The following NRG1 variants were observed in gnomAD, a reference collection of about 807,000 sequenced individuals.
NRG1 encodes neuregulin 1.
NRG1 carries 18 observed loss-of-function variants against 63.8 expected under a neutral mutation model. The observed-to-expected ratio is 0.28, with a 90% confidence interval of 0.19 to 0.42. The LOEUF is 0.42. NRG1 is among the 10% of genes least tolerant of loss of function. NRG1 has a pLI of 1.00. For missense variants in NRG1, 762 were observed against 814.7 expected, an observed-to-expected ratio of 0.94 and a Z score of 0.79; for synonymous variants, 302 against 301.3, an observed-to-expected ratio of 1.00 and a Z score of -0.02.
chr8:32,299,922 A>C (rs1367778083), intron 1 of NRG1, among the ~76,000 whole-genome samples: 1 of 152,196 alleles, frequency 6.6e-6, no homozygotes, highest in African/African-American at 2.4e-5. Flanking sequence ...CAGCCAAACC[A>C]TATCACTCCC....
chr8:31,800,836 T>TC (rs1274611055), intron 1 of NRG1, among the ~76,000 whole-genome samples: 1 of 129,328 alleles, frequency 7.7e-6, no homozygotes, highest in Non-Finnish European at 1.7e-5. Flanking sequence ...CAGTCTCCTT[T>TC]CTTTTTTTTT....
chr8:31,694,491 C>T (rs1032030105), intron 1 of NRG1, among the ~76,000 whole-genome samples: 5 of 152,016 alleles, frequency 3.3e-5, no homozygotes, highest in Non-Finnish European at 7.4e-5. Context: ...AAAGGAGAGG[C>T]TGCTTTTGGA....
At chr8:31,944,266 A>C (rs1802204158) in intron 1 of NRG1, among the ~76,000 whole-genome samples, 1 of 152,204 alleles carries the variant, frequency 6.6e-6, no homozygotes, top group Non-Finnish European at 1.5e-5. Context: ...TGGAAACTAC[A>C]GTGATATTGA....
chr8:32,177,029 A>G (rs979637347), intron 1 of NRG1, among the ~76,000 whole-genome samples: 14 of 152,318 alleles, frequency 9.2e-5, no homozygotes, highest in African/African-American at 3.1e-4. Context: ...ACATGCACAC[A>G]TATGTTTATT....
rs147583046 is a variant in NRG1 at position 32,461,427 on chromosome 8, G to A, written c.38-134401G>A. Among the ~76,000 whole-genome samples the A allele has an allele frequency of 5.3e-5, 8 of 152,284 alleles. No individual in the cohort carries two copies. The East Asian group carries it at 7.7e-4, about 15-fold the overall frequency. ...GAAAACCTCAAAGATGGCTGGGCGC[G>A]GTGGCTCATGCCTGTAATCCCAGCA... On this transcript the variant is annotated intron_variant, in intron 1 of 10. Coordinates refer to the NRG1 transcript ENST00000519301.
intron 1 of NRG1, among the ~76,000 whole-genome samples, chr8:32,207,869 G>A (rs1844241168): frequency 6.6e-6 from 1 of 152,160 alleles, no homozygotes; most frequent in Non-Finnish European, 1.5e-5. Context: ...TGCTCCTAAA[G>A]CTTTCTACTT....
intron 1 of NRG1, among the ~76,000 whole-genome samples, chr8:32,243,463 T>C (rs1586336205): frequency 2.0e-5 from 3 of 150,802 alleles, no homozygotes. Flanking sequence ...CATTAGTCAT[T>C]GGATTAGGGC....
intron 1 of NRG1, among the ~76,000 whole-genome samples, chr8:31,772,840 C>CA (rs1445410188): frequency 6.6e-6 from 1 of 152,182 alleles, no homozygotes; most frequent in Non-Finnish European, 1.5e-5. Flanking sequence ...ACATACCAAA[C>CA]AAGCCACCTT....
At chr8:31,782,695 T>C (rs1819803742) in intron 1 of NRG1, among the ~76,000 whole-genome samples, 1 of 152,200 alleles carries the variant, frequency 6.6e-6, no homozygotes, top group Non-Finnish European at 1.5e-5. Flanking sequence ...CAGAGGTTCT[T>C]AAACAACTAT....
At chr8:31,769,790 A>G (rs984361059) in intron 1 of NRG1, among the ~76,000 whole-genome samples, 2 of 152,182 alleles carry the variant, frequency 1.3e-5, no homozygotes, top group African/African-American at 4.8e-5. Context: ...AGTTGTATGG[A>G]TCTTTAGAAA....
At chr8:32,137,376 A>G (rs1024055742) in intron 1 of NRG1, among the ~76,000 whole-genome samples, 12 of 152,188 alleles carry the variant, frequency 7.9e-5, no homozygotes, top group Non-Finnish European at 1.5e-4. Flanking sequence ...CGAGAGGCCA[A>G]GGTTGCAATG....
intron 1 of NRG1, among the ~76,000 whole-genome samples, chr8:31,985,907 T>C (rs1372604451): frequency 1.3e-5 from 2 of 152,128 alleles, no homozygotes; most frequent in East Asian, 3.9e-4. Flanking sequence ...TGGCAAAACA[T>C]TGCTTCCTAG....
chr8:32,575,271 T>C (rs551559256), intron 1 of NRG1, among the ~76,000 whole-genome samples: 1 of 152,310 alleles, frequency 6.6e-6, no homozygotes, highest in East Asian at 1.9e-4. Context: ...CTAGGATGCA[T>C]GTTTTAGCTC....
intron 1 of NRG1, among the ~76,000 whole-genome samples, chr8:32,476,153 G>GA (rs1281849048): frequency 6.6e-6 from 1 of 152,052 alleles, no homozygotes; most frequent in Non-Finnish European, 1.5e-5. Context: ...AAAAATTGGG[G>GA]AAAAAAGGAA....
At chr8:32,060,008 C>T (rs1379221579) in intron 1 of NRG1, among the ~76,000 whole-genome samples, 1 of 151,938 alleles carries the variant, frequency 6.6e-6, no homozygotes, top group Non-Finnish European at 1.5e-5. Context: ...TTTATTCCAA[C>T]AACTGTGTTT....
At chr8:32,628,481 T>G (rs1257858291) in intron 5 of NRG1, among the ~76,000 whole-genome samples, 2 of 152,134 alleles carry the variant, frequency 1.3e-5, no homozygotes, top group Non-Finnish European at 2.9e-5. Context: ...GATACATAGA[T>G]TATGGGGGTG....
chr8:31,721,632 C>T (rs1224529618), intron 1 of NRG1, among the ~76,000 whole-genome samples: 1 of 152,156 alleles, frequency 6.6e-6, no homozygotes, highest in Non-Finnish European at 1.5e-5. Context: ...TTTCTTCACT[C>T]CTCTTCATTC....
At chr8:32,758,068 T>C (rs1198783386) in intron 9 of NRG1, among the ~76,000 whole-genome samples, 1 of 152,194 alleles carries the variant, frequency 6.6e-6, no homozygotes, top group Non-Finnish European at 1.5e-5. Context: ...TAATTCAAGC[T>C]GTATATTTTT....
intron 1 of NRG1, among the ~76,000 whole-genome samples, chr8:32,220,772 C>T (rs944717776): frequency 9.9e-5 from 15 of 152,240 alleles, no homozygotes; most frequent in African/African-American, 3.1e-4. Flanking sequence ...GTCTCCCCCA[C>T]TCCATCCCCG....
Sources: gnomAD v4.1 joint callset for allele counts (sites outside exome capture counted in the v4.1 genomes callset) on GRCh38, gnomAD v4.1.1 for gene constraint, MANE v1.5 for transcripts, NCBI Gene and HGNC (gene_info 2026-07-23, HGNC 2026-07-21) for gene names.